ROCK1: variants seen among roughly 807,000 people sequenced by gnomAD.
The protein encoded by ROCK1 is Rho associated coiled-coil containing protein kinase 1, also known as rho-associated protein kinase 1.
Under a neutral mutation model 196.8 loss-of-function variants are expected in ROCK1, and 36 were observed. The observed-to-expected ratio is 0.18, with a 90% CI of 0.14 to 0.24. The LOEUF is 0.24. Ranked by LOEUF, ROCK1 falls within the 10% of genes least tolerant of loss-of-function variation. ROCK1 has a pLI of 1.00. For synonymous variants in ROCK1, 443 were observed against 515.9 expected (o/e 0.86, Z 1.91); for missense variants, 920 against 1,562.0 (o/e 0.59, Z 6.93).
chr18:20,985,950 T>C (rs1182119885), intron 19 of ROCK1, among the ~76,000 whole-genome samples: 1 of 152,136 alleles, frequency 6.6e-6, no homozygotes, highest in Non-Finnish European at 1.5e-5. Context: ...CTCGACCTCC[T>C]GAGGTGCAAG....
intron 9 of ROCK1, among the ~76,000 whole-genome samples, chr18:21,037,275 T>G (rs571633248): frequency 3.3e-4 from 50 of 152,304 alleles, no homozygotes; most frequent in African/African-American, 1.1e-3. Flanking sequence ...CTATTTTGTA[T>G]CCTGCTCCCA....
intron 9 of ROCK1, among the ~76,000 whole-genome samples, chr18:21,037,280 C>T (rs1185377366): frequency 2.6e-5 from 4 of 152,138 alleles, no homozygotes; most frequent in African/African-American, 7.2e-5. Flanking sequence ...TTGTATCCTG[C>T]TCCCACATTA....
chr18:20,985,050 G>A (rs779256845), intron 19 of ROCK1, among the ~76,000 whole-genome samples: 2 of 151,414 alleles, frequency 1.3e-5, no homozygotes, highest in Non-Finnish European at 2.9e-5. Flanking sequence ...GCAGTGAGCC[G>A]AGATCACGCC....
chr18:21,027,268 CT>C (rs1427881108), intron 10 of ROCK1, among the ~76,000 whole-genome samples: 1 of 152,086 alleles, frequency 6.6e-6, no homozygotes, highest in African/African-American at 2.4e-5. Context: ...TCTTACTAAC[CT>C]ACATTGCACA....
At chr18:20,965,711 CT>C (rs1242825483) in intron 27 of ROCK1, among the ~76,000 whole-genome samples, 2 of 152,110 alleles carry the variant, frequency 1.3e-5, no homozygotes, top group African/African-American at 4.8e-5. Flanking sequence ...TCGTGTGTAC[CT>C]GCAAGTTTCT....
chr18:21,047,179 A>G (rs1215467740), intron 4 of ROCK1, among the ~76,000 whole-genome samples: 5 of 152,332 alleles, frequency 3.3e-5, no homozygotes, highest in Non-Finnish European at 5.9e-5. Context: ...TAAATTGTAA[A>G]TAGCCCTGAA....
At chr18:21,093,339 G>A (rs183095189) in intron 1 of ROCK1, among the ~76,000 whole-genome samples, 37 of 152,260 alleles carry the variant, frequency 2.4e-4, no homozygotes, top group Admixed American at 1.7e-3. Context: ...CACAGGGCAC[G>A]TTGTGAGAGA....
At chr18:20,964,316 G>A (rs1048219392) in intron 27 of ROCK1, among the ~76,000 whole-genome samples, 3 of 152,168 alleles carry the variant, frequency 2.0e-5, no homozygotes, top group African/African-American at 4.8e-5. Flanking sequence ...TGAATGATAT[G>A]TAACTATCTA....
intron 2 of ROCK1, among the ~76,000 whole-genome samples, chr18:21,054,013 A>G (rs2036226606): frequency 6.6e-6 from 1 of 152,112 alleles, no homozygotes; most frequent in African/African-American, 2.4e-5. Flanking sequence ...GTGTGAAGCA[A>G]GGAGAGCATC....
At position 21,110,839 on chromosome 18, in the gene ROCK1, T is replaced by C. The variant is rs1431186246; in HGVS notation, c.72A>G (p.Glu24=). Residue 24 remains glutamate (E), a synonymous_variant, in exon 1 of 33, where the codon GAA becomes GAG. Transcript: ENST00000399799. ...MDNLLRDPKS[E]VNSDCLLDGL... is the part of the protein sequence containing the mutation. Reference sequence around the variant, plus strand: ...TCACCAGCAAACAATCCGAATTCACTTCCGATTTGGGATCCCGCAGCAGGT... The same window carrying C: ...TCACCAGCAAACAATCCGAATTCACCTCCGATTTGGGATCCCGCAGCAGGT... 1 of 1,614,132 alleles carries C rather than the reference T, an allele frequency of 6.2e-7. No homozygotes were observed. Among genetic ancestry groups the C allele is most frequent in the East Asian group, 2.2e-5 (1 of 44,884 alleles).
chr18:21,008,483 G>C (rs2035787610), intron 13 of ROCK1, among the ~76,000 whole-genome samples: 1 of 152,190 alleles, frequency 6.6e-6, no homozygotes, highest in African/African-American at 2.4e-5. Context: ...ATGTTGGCCA[G>C]GCTGGTTTTG....
chr18:20,967,009 A>G lies in ROCK1; in HGVS notation c.3260T>C (p.Ile1087Thr), dbSNP rs1307867034. The G allele has an allele frequency of 3.7e-6, 6 of 1,612,590 alleles. No homozygotes were observed. The highest frequency in any genetic ancestry group is 3.3e-5 in the Admixed American group (2 of 60,010). ...CAAAAGTTTAGCACGCAATTGCTCAATATCACTCTCTTTGCTGGCCAACTG... is the reference window on the plus strand; with the variant it reads ...CAAAAGTTTAGCACGCAATTGCTCAGTATCACTCTCTTTGCTGGCCAACTG... ...QMQLASKESD[I>T]EQLRAKLLDL... is the part of the protein sequence containing the mutation. Residue 1087 changes from isoleucine to threonine, a missense_variant, in exon 27 of 33, where the codon ATT becomes ACT. Around this residue, in one of 6 missense-constraint regions of ROCK1, gnomAD observed 116 missense variants for 204.2 expected, o/e 0.57. Transcript: ENST00000399799.
chr18:21,088,836 C>T (rs1257172511), intron 1 of ROCK1, among the ~76,000 whole-genome samples: 2 of 152,140 alleles, frequency 1.3e-5, no homozygotes, highest in African/African-American at 2.4e-5. Flanking sequence ...TTTCCAGGCA[C>T]CTTCTTGGAT....
At chr18:21,072,622 A>AT (rs931559984) in intron 1 of ROCK1, among the ~76,000 whole-genome samples, 5 of 152,236 alleles carry the variant, frequency 3.3e-5, no homozygotes, top group African/African-American at 1.2e-4. Flanking sequence ...GAATGTTAAC[A>AT]TAACATTCAT....
In ROCK1 at chr18:20,955,442, A is replaced by T. The variant is rs2035232558; in HGVS notation, c.3513-197T>A. 3 of 637,198 alleles carry T rather than the reference A, an allele frequency of 4.7e-6. No individual in the cohort carries two copies. The East Asian group carries it at 9.5e-5, about 20-fold the overall frequency. 39.5% of individuals were successfully genotyped at this position (637,198 alleles called of 1,614,324 possible). A position where few individuals can be genotyped will look rare whatever the true frequency, so the allele number is the denominator to read the frequency against. Reference sequence around the variant, plus strand: ...AGTTAAAAAAAATAAAAACAGTAGTAACATCAAATGCTTGTGAGAATGCAG... The same window carrying T: ...AGTTAAAAAAAATAAAAACAGTAGTTACATCAAATGCTTGTGAGAATGCAG... On this transcript the variant is annotated intron_variant, in intron 29 of 32. Transcript: ENST00000399799.
At position 20,979,951 on chromosome 18, in the gene ROCK1, GTTT is replaced by G; in HGVS notation, c.2610_2612del (p.Lys870del). 1 of 1,546,512 alleles carries G rather than the reference GTTT, an allele frequency of 6.5e-7. No individual in the cohort carries two copies. Among genetic ancestry groups the G allele is most frequent in the Non-Finnish European group, 8.7e-7 (1 of 1,144,526 alleles). Reference sequence around the variant, plus strand: ...CCTGTATTTTCTTTAAATTTTCTCTGTTTTTTTCTTCAATTTCTTCTTTAAGTT... The same window carrying G: ...CCTGTATTTTCTTTAAATTTTCTCTGTTTTCTTCAATTTCTTCTTTAAGTT... On this transcript the variant is annotated inframe_deletion, in exon 22 of 33. Transcript: ENST00000399799.
At position 20,955,004 on chromosome 18, in the gene ROCK1, T is replaced by G; in HGVS notation, c.3632A>C (p.Glu1211Ala). Residue 1211 changes from glutamate to alanine, a missense_variant, in exon 31 of 33, where the codon GAG becomes GCG. Transcript: ENST00000399799. The stretch of plus-strand genomic sequence containing the variant: ...TTCAGCTTGTTGTACTGGTTCCATC[T>G]CTACATCTTTTCTACATTCACCTTC... Reference protein sequence around the residue: ...ANEGECRKDVEMEPVQQAEKT... With the variant: ...ANEGECRKDVAMEPVQQAEKT... The G allele has an allele frequency of 6.2e-7, 1 of 1,613,784 alleles. No homozygotes were observed. Among genetic ancestry groups the G allele is most frequent in the Non-Finnish European group, 8.5e-7 (1 of 1,179,784 alleles).
intron 22 of ROCK1, among the ~76,000 whole-genome samples, chr18:20,971,647 G>T (rs563095813): frequency 1.2e-3 from 181 of 149,870 alleles, no homozygotes; most frequent in African/African-American, 4.3e-3. Context: ...TGAGGTGACA[G>T]TGCAAGACTC....
At chr18:21,038,178 T>G (rs2036073436) in intron 9 of ROCK1, among the ~76,000 whole-genome samples, 1 of 152,150 alleles carries the variant, frequency 6.6e-6, no homozygotes, top group Non-Finnish European at 1.5e-5. Flanking sequence ...ATGTAACCAT[T>G]TCTCACTCCC....
Sources: allele counts gnomAD v4.1 joint callset (sites outside exome capture counted in the v4.1 genomes callset), GRCh38; gene constraint gnomAD v4.1.1; regional missense constraint gnomAD v4.1.1; transcripts MANE v1.5; gene names NCBI Gene and HGNC (gene_info 2026-07-23, HGNC 2026-07-21).